The following CEP250 variants were observed in gnomAD, a reference collection of about 807,000 sequenced individuals.
CEP250 encodes centrosomal protein 250.
A neutral mutation model predicts 315.7 loss-of-function variants in CEP250; 242 were observed. That is an observed-to-expected ratio of 0.77 (90% confidence interval 0.69 to 0.85). The LOEUF (loss-of-function observed/expected upper bound fraction) is 0.85, where lower values mean the gene tolerates loss of function less well. CEP250 is among the 40% of genes least tolerant of loss of function. The probability of loss-of-function intolerance (pLI) is 0.00; values close to 1 mark genes in which losing one functional copy is unlikely to be tolerated. For synonymous variants in CEP250, 1,088 were observed against 1,175.0 expected, an observed-to-expected ratio of 0.93 and a Z score of 1.51; for missense variants, 2,515 against 2,886.4, an observed-to-expected ratio of 0.87 and a Z score of 2.95.
Position 35,475,499 on chromosome 20 carries a change from TAGTC to T in CEP250, c.1572_1575del (p.Gln525ArgfsTer3). ...CTCTAGACCCCTCTCTTTCCCATCTTAGTCAGGAGATGCTGATGGGCCTGGAAGC... is the reference window on the plus strand; with the variant it reads ...CTCTAGACCCCTCTCTTTCCCATCTTAGGAGATGCTGATGGGCCTGGAAGC... On this transcript the variant is annotated splice_acceptor_variant and coding_sequence_variant, in exon 15 of 35. Transcript: ENST00000397527. LOFTEE classifies it high-confidence loss of function. 2 of 1,613,994 alleles carry T rather than the reference TAGTC, an allele frequency of 1.2e-6. No individual in the cohort carries two copies. Among genetic ancestry groups the T allele is most frequent in the South Asian group, 1.1e-5 (1 of 91,068 alleles).
rs1171819903 is a variant in CEP250 at position 35,477,943 on chromosome 20, G to A, written c.1936G>A (p.Asp646Asn). The A allele has an allele frequency of 6.2e-7, 1 of 1,611,112 alleles. No individual in the cohort carries two copies. Among genetic ancestry groups the A allele is most frequent in the Non-Finnish European group, 8.5e-7 (1 of 1,178,872 alleles). The change falls in exon 17 of 35, where the codon GAC becomes AAC. Residue 646 changes from aspartate (D) to asparagine (N), a missense_variant. By Grantham distance (23) the Asp-to-Asn change is conservative. Transcript: ENST00000397527. ...GCAGGCGAGAAATGCTTTGCAGGTCGACCTGGCGGAGGCAGAGAAGAGGAG... is the reference window on the plus strand; with the variant it reads ...GCAGGCGAGAAATGCTTTGCAGGTCAACCTGGCGGAGGCAGAGAAGAGGAG... ...AEQARNALQVDLAEAEKRREA... is the reference protein window; with the variant it reads ...AEQARNALQVNLAEAEKRREA...
chr20:35,508,072 T>C lies in CEP250; in HGVS notation c.6788T>C (p.Met2263Thr), dbSNP rs1398802420. The change falls in exon 32 of 35, where the codon ATG becomes ACG. Residue 2263 changes from methionine to threonine, a missense_variant. By Grantham distance (81) the Met-to-Thr change is moderately conservative (BLOSUM62 -1). Coordinates refer to ENST00000397527, the MANE Select transcript of CEP250 (RefSeq NM_007186.6). ...GVEAEPSPDG[M>T]EKQSWRQRLE... ...GAGGCTGAGCCTAGTCCTGATGGAA[T>C]GGAGAAGCAGTCATGGAGACAAAGG... 8 of 1,614,136 alleles carry C rather than the reference T, an allele frequency of 5.0e-6. No individual in the cohort carries two copies. The highest frequency in any genetic ancestry group is 6.8e-6 in the Non-Finnish European group (8 of 1,180,008).
chr20:35,473,777 G>A lies in CEP250; in HGVS notation c.1389-93G>A, dbSNP rs2146798002. On this transcript the variant is annotated intron_variant, in intron 13 of 34. Coordinates refer to ENST00000397527, the MANE Select transcript of CEP250 (RefSeq NM_007186.6). Reference sequence around the variant, plus strand: ...TCGCACTAGAAACAGAAGATGGGATGTTGAAACAGGGTCTCTTGGCCCTGT... The same window carrying A: ...TCGCACTAGAAACAGAAGATGGGATATTGAAACAGGGTCTCTTGGCCCTGT... The A allele has an allele frequency of 4.1e-6, 5 of 1,206,928 alleles. No individual in the cohort carries two copies. The South Asian group carries it at 7.6e-5, about 18-fold the overall frequency. 74.8% of individuals were successfully genotyped at this position (1,206,928 alleles called of 1,614,324 possible).
Position 35,516,830 on chromosome 20 carries a change from C to A in CEP250, c.*5204C>A. The A allele has an allele frequency of 9.2e-6, 2 of 216,536 alleles. No individual in the cohort carries two copies. The highest frequency in any genetic ancestry group is 1.6e-5 in the Non-Finnish European group (2 of 126,770). 13.4% of individuals were successfully genotyped at this position (216,536 alleles called of 1,614,324 possible). A position where few individuals can be genotyped will look rare whatever the true frequency, so the allele number is the denominator to read the frequency against. ...CAAAGTGTCAAGCCAGTTGGATGCACGGGTTGTGTGGAGTCCAGGGGTACA... is the reference window on the plus strand; with the variant it reads ...CAAAGTGTCAAGCCAGTTGGATGCAAGGGTTGTGTGGAGTCCAGGGGTACA... On this transcript the variant is annotated 3_prime_UTR_variant, in exon 35 of 35. Transcript: ENST00000397527.
chr20:35,488,794 G>A (rs187510348), intron 20 of CEP250, among the ~76,000 whole-genome samples: 1 of 152,138 alleles, frequency 6.6e-6, no homozygotes, highest in East Asian at 1.9e-4. Flanking sequence ...GTCTGGGAAG[G>A]CTTCACCAAG....
Position 35,503,296 on chromosome 20 carries a change from C to T in CEP250, c.4927C>T (p.Gln1643Ter), listed in dbSNP as rs1224771446. Residue 1643 changes from glutamine (Q) to a stop codon, truncating the protein, a stop_gained, in exon 30 of 35, where the codon CAG becomes TAG. Coordinates refer to ENST00000397527, the MANE Select transcript of CEP250 (RefSeq NM_007186.6). LOFTEE classifies it high-confidence loss of function. The surrounding 1 kb of genome is among the most constrained non-coding windows in gnomAD (Gnocchi z 4.2). ...TCAGCGAGAACAGATCGAGGAGCTGCAGAGGCAGAAAGAGCATCTGACTCA... is the reference window on the plus strand; with the variant it reads ...TCAGCGAGAACAGATCGAGGAGCTGTAGAGGCAGAAAGAGCATCTGACTCA... Reference protein sequence around the residue: ...KSQREQIEELQRQKEHLTQDL... With the variant: ...KSQREQIEEL 1 of 1,613,988 alleles carries T rather than the reference C, an allele frequency of 6.2e-7. No individual in the cohort carries two copies. The highest frequency in any genetic ancestry group is 1.3e-5 in the African/African-American group (1 of 74,894).
Position 35,467,087 on chromosome 20 carries a change from A to T in CEP250, c.599+15A>T, listed in dbSNP as rs533431347. On this transcript the variant is annotated intron_variant, in intron 8 of 34. Coordinates refer to ENST00000397527, the MANE Select transcript of CEP250 (RefSeq NM_007186.6). Reference sequence around the variant, plus strand: ...GCTACTGACAGGTCAGTGTGGGGAGAAGAAGGGAGGAGGTTTGCCCCTACC... The same window carrying T: ...GCTACTGACAGGTCAGTGTGGGGAGTAGAAGGGAGGAGGTTTGCCCCTACC... The T allele has an allele frequency of 3.2e-6, 5 of 1,541,218 alleles. No individual in the cohort carries two copies. In the African/African-American group the frequency reaches 6.9e-5, roughly 21 times the overall value.
chr20:35,504,664 C>G lies in CEP250; in HGVS notation c.6295C>G (p.Leu2099Val). ...GGGCCTTCATCAGAGTGTAAGGGAG[C>G]TACAGCTGACTCTAGCCCAAAAGGA... ...IRGLHQSVRE[L>V]QLTLAQKEQE... is the part of the protein sequence containing the mutation. Residue 2099 changes from leucine to valine, a missense_variant, in exon 30 of 35, where the codon CTA (leucine) becomes GTA (valine). Leu to Val is a conservative substitution (Grantham distance 32). Transcript: ENST00000397527. The G allele has an allele frequency of 6.2e-7, 1 of 1,614,174 alleles. No homozygotes were observed. The highest frequency in any genetic ancestry group is 1.1e-5 in the South Asian group (1 of 91,084).
In CEP250 at chr20:35,513,661, G is replaced by A. The variant is rs565117759; in HGVS notation, c.*2035G>A. ...GGTTCTCAGGCTCGGGCTGACAGAG[G>A]GTCCCTGTTTTTTACCTTAGAGTTT... On this transcript the variant is annotated 3_prime_UTR_variant, in exon 35 of 35. Coordinates refer to ENST00000397527, the MANE Select transcript of CEP250 (RefSeq NM_007186.6). 2 of 152,316 alleles carry A rather than the reference G, an allele frequency of 1.3e-5. No homozygotes were observed. The highest frequency in any genetic ancestry group is 4.1e-4 in the South Asian group (2 of 4,824). The allele number at this position is 152,316 out of a possible 1,614,324, so 9.4% of individuals were successfully genotyped here. A position where few individuals can be genotyped will look rare whatever the true frequency, so the allele number is the denominator to read the frequency against.
rs2063087917 is a variant in CEP250 at position 35,473,695 on chromosome 20, A to G, written c.1388+143A>G. On this transcript the variant is annotated intron_variant, in intron 13 of 34. Coordinates refer to ENST00000397527, the MANE Select transcript of CEP250 (RefSeq NM_007186.6). Reference sequence around the variant, plus strand: ...TCAGGGCTGTTTTGCCCAGTGTTTCACTTGTTTCTCCAGAACAAGCTTTTG... The same window carrying G: ...TCAGGGCTGTTTTGCCCAGTGTTTCGCTTGTTTCTCCAGAACAAGCTTTTG... 4.6e-6 allele frequency: 5 copies of G among 1,092,598 alleles called. No individual in the cohort carries two copies. In the African/African-American group the frequency reaches 6.4e-5, roughly 14 times the overall value. The allele number at this position is 1,092,598 out of a possible 1,614,324, so 67.7% of individuals were successfully genotyped here.
At chr20:35,461,044 T>C (rs1217814280) in intron 3 of CEP250, among the ~76,000 whole-genome samples, 1 of 152,202 alleles carries the variant, frequency 6.6e-6, no homozygotes, top group East Asian at 1.9e-4. Context: ...GAGGACATGA[T>C]AGGACGTGGC....
intron 30 of CEP250, among the ~76,000 whole-genome samples, chr20:35,506,840 GCACTAAGTGGACCTCCTTT>G (rs2147196436): frequency 6.6e-6 from 1 of 152,254 alleles, no homozygotes; most frequent in South Asian, 2.1e-4. Context: ...TAGGAAGAAA[GCACTAAGTGGACCTCCTTT>G]CCTATGTTCA....
At chr20:35,465,436 AAAAAT>A (rs2062851289) in intron 5 of CEP250, among the ~76,000 whole-genome samples, 1 of 151,228 alleles carries the variant, frequency 6.6e-6, no homozygotes, top group African/African-American at 2.5e-5. Context: ...AAAAAAAAAA[AAAAAT>A]GAAAGAAGTT....
At chr20:35,490,597 C>T in intron 20 of CEP250, 40 bp from the exon 21 acceptor site, 1 of 1,584,892 alleles carries the variant, frequency 6.3e-7, no homozygotes, top group African/African-American at 1.4e-5. Context: ...CTCCCCTCCT[C>T]ACCCATTTGG....
chr20:35,476,187 C>G (rs2063168165), intron 15 of CEP250: 1 of 346,372 alleles, frequency 2.9e-6, no homozygotes, highest in Non-Finnish European at 5.3e-6. Context: ...TTTTAGTTCC[C>G]AGAGCACTTT....
chr20:35,474,037 G>C lies in CEP250; in HGVS notation c.1556G>C (p.Arg519Pro), dbSNP rs115893489. 1 of 1,569,306 alleles carries C rather than the reference G, an allele frequency of 6.4e-7. No homozygotes were observed. Among genetic ancestry groups the C allele is most frequent in the Non-Finnish European group, 8.6e-7 (1 of 1,161,424 alleles). The change falls in exon 14 of 35, where the codon CGG becomes CCG. Residue 519 changes from arginine (R) to proline (P), a missense_variant. By Grantham distance (103) the Arg-to-Pro change is moderately radical. Transcript: ENST00000397527. ...EQQEELHLAV[R>P]ERERLQEMLM... Reference sequence around the variant, plus strand: ...CAGGAGGAGCTGCACCTGGCTGTCCGGGAGAGGGAGCGTCTGTAAGTGAGA... The same window carrying C: ...CAGGAGGAGCTGCACCTGGCTGTCCCGGAGAGGGAGCGTCTGTAAGTGAGA...
At position 35,478,067 on chromosome 20, in the gene CEP250, A is replaced by T; in HGVS notation, c.2060A>T (p.Glu687Val). Reference protein sequence around the residue: ...ELQADLRDIQEEKEEIQKKLS... With the variant: ...ELQADLRDIQVEKEEIQKKLS... ...CAGGCAGATCTCAGGGACATCCAAGAAGAGAAGGAAGAAATTCAAAAGAAA... is the reference window on the plus strand; with the variant it reads ...CAGGCAGATCTCAGGGACATCCAAGTAGAGAAGGAAGAAATTCAAAAGAAA... The change falls in exon 17 of 35, where the codon GAA becomes GTA. Residue 687 changes from glutamate to valine, a missense_variant. By Grantham distance (121) the Glu-to-Val change is moderately radical. Transcript: ENST00000397527. 6.2e-7 allele frequency: 1 copy of T among 1,614,070 alleles called. No homozygotes were observed. Among genetic ancestry groups the T allele is most frequent in the Non-Finnish European group, 8.5e-7 (1 of 1,180,006 alleles).
intron 20 of CEP250, among the ~76,000 whole-genome samples, chr20:35,488,956 C>G (rs957493696): frequency 1.3e-5 from 2 of 152,058 alleles, no homozygotes; most frequent in South Asian, 4.2e-4. Context: ...GAGGCCTAAG[C>G]GGGCAGATCA....
At chr20:35,472,014 G>C (rs2063035285) in intron 10 of CEP250, 36 bp from the exon 11 acceptor site, 1 of 1,252,594 alleles carries the variant, frequency 8.0e-7, no homozygotes, top group Non-Finnish European at 1.2e-6. Context: ...ACTTTTGAGA[G>C]TTTGGCTCTG....
Sources: gnomAD v4.1 joint callset for allele counts (sites outside exome capture counted in the v4.1 genomes callset) on GRCh38, gnomAD v4.1.1 for gene constraint, Gnocchi (gnomAD v3.1) non-coding constraint, MANE v1.5 for transcripts, NCBI Gene and HGNC (gene_info 2026-07-23, HGNC 2026-07-21) for gene names.